Variants in PFKFB3 observed in about 807,000 individuals in gnomAD.
The protein encoded by PFKFB3 is 6-phosphofructo-2-kinase/fructose-2,6-biphosphatase 3.
In PFKFB3, 33 loss-of-function variants were observed where a neutral mutation model predicts 68.0. The observed-to-expected ratio is 0.49, with a 90% CI of 0.37 to 0.65. The LOEUF is 0.65. Ranked by LOEUF, PFKFB3 falls within the 30% of genes least tolerant of loss-of-function variation. The pLI is 0.00. For synonymous variants in PFKFB3, 315 were observed against 288.2 expected, an observed-to-expected ratio of 1.09 and a Z score of -0.94; for missense variants, 586 against 712.2, an observed-to-expected ratio of 0.82 and a Z score of 2.02.
At chr10:6,246,584 C>A (rs924473397) in intron 14 of PFKFB3, among the ~76,000 whole-genome samples, 1 of 152,046 alleles carries the variant, frequency 6.6e-6, no homozygotes, top group African/African-American at 2.4e-5. Flanking sequence ...TCAGGTGATC[C>A]GCCCGCGTCG....
the PFKFB3 span, among the ~76,000 whole-genome samples, chr10:6,291,945 G>GTTTTTTTTTTTT: frequency 1.1e-5 from 1 of 94,348 alleles, no homozygotes; most frequent in African/African-American, 4.3e-5. Flanking sequence ...GAAACCAGTG[G>GTTTTTTTTTTTT]TTTTTTTTTT....
Position 6,253,425 on chromosome 10 carries a change from T to C in PFKFB3, c.1516-753T>C, listed in dbSNP as rs186354917. On this transcript the variant is annotated intron_variant, in intron 14 of 14. Transcript: ENST00000640683. ...TCCGAAAATTTAACAAATTGGGCAA[T>C]TGCTTTGAGGTGAACGAGTCACCAG... is the stretch of plus-strand genomic sequence containing the variant. Among the ~76,000 whole-genome samples the C allele has an allele frequency of 5.9e-3, 896 of 152,236 alleles. 5 individuals are homozygous for C. The highest frequency in any genetic ancestry group is 0.02 in the African/African-American group (843 of 41,536).
chr10:6,266,855 T>C, the PFKFB3 span, among the ~76,000 whole-genome samples: 1 of 152,238 alleles, frequency 6.6e-6, no homozygotes, highest in Non-Finnish European at 1.5e-5. Flanking sequence ...CATGATGGCC[T>C]TGGTCTCATG....
intron 14 of PFKFB3, 34 bp downstream of exon 14, chr10:6,226,399 G>T (rs777544948): frequency 1.3e-6 from 2 of 1,568,292 alleles, no homozygotes; most frequent in Non-Finnish European, 1.7e-6. Context: ...CTGCCTGGGG[G>T]ACGCATGCCG....
chr10:6,303,411 G>A, the PFKFB3 span, among the ~76,000 whole-genome samples: 1 of 152,234 alleles, frequency 6.6e-6, no homozygotes, highest in Admixed American at 6.5e-5. Context: ...AGAGTGCAAC[G>A]ATGGTTTCAT....
chr10:6,216,855 G>T (rs879136645), intron 5 of PFKFB3, 75 bp downstream of exon 5: 5 of 1,022,564 alleles, frequency 4.9e-6, no homozygotes, highest in South Asian at 3.9e-5. Context: ...CCTGAGTCCT[G>T]CTTGGTCCTT....
chr10:6,172,688 G>A (rs1842348967), intron 1 of PFKFB3, among the ~76,000 whole-genome samples: 1 of 152,080 alleles, frequency 6.6e-6, no homozygotes, highest in Non-Finnish European at 1.5e-5. Flanking sequence ...TGGGTGTGGT[G>A]GCGCATACCT....
chr10:6,249,620 A>C (rs1387767683), intron 14 of PFKFB3, among the ~76,000 whole-genome samples: 1 of 152,220 alleles, frequency 6.6e-6, no homozygotes, highest in Admixed American at 6.5e-5. Context: ...CCTCACTTAT[A>C]TGTGGAATCC....
rs752570152 is a variant in PFKFB3, at chr10:6,223,940, G to A, written c.1214-18G>A. 1.9e-6 allele frequency: 3 copies of A among 1,611,064 alleles called. No homozygotes were observed. Among genetic ancestry groups the A allele is most frequent in the African/African-American group, 1.3e-5 (1 of 74,960 alleles). ...CCGTGTCTCATTTCTAACTGTGGGT[G>A]TACAATTTCAATTTCAGAGGAGATG... On this transcript the variant is annotated intron_variant, in intron 11 of 14. Coordinates refer to ENST00000379775, the MANE Select transcript of PFKFB3 (RefSeq NM_004566.4).
chr10:6,310,231 G>A, the PFKFB3 span, among the ~76,000 whole-genome samples: 190 of 152,222 alleles, frequency 1.2e-3, 1 homozygote, highest in African/African-American at 4.4e-3. Flanking sequence ...CTTAGGAGGA[G>A]CAGTGACCGG....
chr10:6,232,159 G>T (rs1006709350), intron 14 of PFKFB3, among the ~76,000 whole-genome samples: 4 of 151,826 alleles, frequency 2.6e-5, no homozygotes, highest in Non-Finnish European at 4.4e-5. Flanking sequence ...TTTTTGAGGC[G>T]TAGGTGAAGC....
At position 6,210,504 on chromosome 10, in the gene PFKFB3, G is replaced by A. The variant is rs1170940701; in HGVS notation, c.77-3119G>A. Among the ~76,000 whole-genome samples the A allele has an allele frequency of 4.3e-5, 5 of 115,484 alleles. 2 individuals carry two copies. Among genetic ancestry groups the A allele is most frequent in the Admixed American group, 1.8e-4 (2 of 10,842 alleles). 75.8% of individuals were successfully genotyped at this position (115,484 alleles called of 152,430 possible). A position where few individuals can be genotyped will look rare whatever the true frequency, so the allele number is the denominator to read the frequency against. ...GCCTCCCGAGTAGCTGGGACTACAG[G>A]CGCCCGCCAACATGGCCGGCTAATT... is the stretch of plus-strand genomic sequence containing the variant. On this transcript the variant is annotated intron_variant, in intron 1 of 14. Transcript: ENST00000379775.
At chr10:6,183,889 A>C (rs1842795192) in intron 1 of PFKFB3, among the ~76,000 whole-genome samples, 1 of 150,106 alleles carries the variant, frequency 6.7e-6, no homozygotes, top group Non-Finnish European at 1.5e-5. Flanking sequence ...ACGGGGTTTC[A>C]CCGTGTTAGC....
the PFKFB3 span, among the ~76,000 whole-genome samples, chr10:6,291,740 G>T: frequency 1.3e-5 from 2 of 152,094 alleles, no homozygotes; most frequent in Non-Finnish European, 2.9e-5. Flanking sequence ...CTGGGCTAGT[G>T]TACATTTCAG....
intron 1 of PFKFB3, among the ~76,000 whole-genome samples, chr10:6,148,556 G>A (rs894884721): frequency 3.3e-5 from 5 of 152,214 alleles, no homozygotes; most frequent in Non-Finnish European, 7.3e-5. Context: ...CCAGGGTGAC[G>A]GTGGTTAGAG....
At chr10:6,164,937 G>T (rs1032108932) in intron 1 of PFKFB3, among the ~76,000 whole-genome samples, 13 of 152,052 alleles carry the variant, frequency 8.5e-5, no homozygotes, top group African/African-American at 9.7e-5. Context: ...GCTTTACACC[G>T]AGACATTCCA....
intron 1 of PFKFB3, among the ~76,000 whole-genome samples, chr10:6,204,911 G>C (rs535225869): frequency 6.6e-6 from 1 of 152,330 alleles, no homozygotes; most frequent in South Asian, 2.1e-4. Context: ...GGAGTGTCCC[G>C]TGACTTCCAG....
intron 1 of PFKFB3, among the ~76,000 whole-genome samples, chr10:6,191,915 C>A (rs1174017406): frequency 6.6e-6 from 1 of 152,030 alleles, no homozygotes; most frequent in Non-Finnish European, 1.5e-5. Flanking sequence ...GGCTCGGACA[C>A]CCTGGTCGCC....
chr10:6,225,274 G>A, intron 13 of PFKFB3: 2 of 450,366 alleles, frequency 4.4e-6, no homozygotes, highest in Non-Finnish European at 9.0e-6. Context: ...CAGGAAGCTT[G>A]GCCTTCGGAT....
Sources: allele counts gnomAD v4.1 joint callset (sites outside exome capture counted in the v4.1 genomes callset), GRCh38; gene constraint gnomAD v4.1.1; transcripts MANE v1.5; gene names NCBI Gene and HGNC (gene_info 2026-07-23, HGNC 2026-07-21).